SENP1: variants seen among roughly 807,000 people sequenced by gnomAD.
SENP1 encodes the protein SUMO specific peptidase 1, also known as sentrin-specific protease 1.
SENP1 carries 21 observed loss-of-function variants against 93.0 expected under a neutral mutation model. The observed-to-expected ratio is 0.23, with a 90% confidence interval of 0.16 to 0.33. The LOEUF (loss-of-function observed/expected upper bound fraction) is 0.33, where lower values mean the gene tolerates loss of function less well. SENP1 is among the 10% of genes least tolerant of loss of function. The probability of loss-of-function intolerance (pLI) is 1.00; values close to 1 mark genes in which losing one functional copy is unlikely to be tolerated. For missense variants in SENP1, 591 were observed against 758.7 expected (o/e 0.78, Z 2.60); for synonymous variants, 256 against 259.6 (o/e 0.99, Z 0.13).
chr12:48,045,133 G>GT lies in SENP1; in HGVS notation c.*188_*189insA, dbSNP rs1941266992. The GT allele has an allele frequency of 1.1e-4, 65 of 572,278 alleles. 2 individuals carry two copies. The South Asian group carries it at 1.4e-3, about 12-fold the overall frequency. The allele number at this position is 572,278 out of a possible 1,614,324, so 35.5% of individuals were successfully genotyped here. A position where few individuals can be genotyped will look rare whatever the true frequency, so the allele number is the denominator to read the frequency against. ...CCTTTCACAGCACCAAAGTTTCTTT[G>GT]CAAAAATAGTATCTGAGATACAAAA... On this transcript the variant is annotated 3_prime_UTR_variant, in exon 18 of 18. Coordinates refer to ENST00000549518, the MANE Select transcript of SENP1 (RefSeq NM_001267594.2).
chr12:48,081,874 G>C (rs1214672337), intron 6 of SENP1, among the ~76,000 whole-genome samples: 1 of 149,164 alleles, frequency 6.7e-6, no homozygotes, highest in Non-Finnish European at 1.5e-5. Flanking sequence ...AAATGTTTTA[G>C]ATTCAATACA....
At chr12:48,051,015 C>T (rs1418717714) in intron 13 of SENP1, among the ~76,000 whole-genome samples, 1 of 150,080 alleles carries the variant, frequency 6.7e-6, no homozygotes, top group Non-Finnish European at 1.5e-5. Flanking sequence ...AAGCACATGA[C>T]AGCCATGGAA....
chr12:48,069,739 C>A (rs1290676920), intron 9 of SENP1, among the ~76,000 whole-genome samples: 1 of 152,042 alleles, frequency 6.6e-6, no homozygotes, highest in Non-Finnish European at 1.5e-5. Context: ...CTACATGAAG[C>A]CTTTTCCAAC....
intron 13 of SENP1, among the ~76,000 whole-genome samples, chr12:48,057,805 C>G (rs1299163310): frequency 6.6e-6 from 1 of 150,792 alleles, no homozygotes; most frequent in Non-Finnish European, 1.5e-5. Flanking sequence ...CCATGTTGGC[C>G]AGGCTGGTCT....
intron 5 of SENP1, among the ~76,000 whole-genome samples, chr12:48,086,975 G>T (rs1209878924): frequency 1.3e-5 from 2 of 151,588 alleles, no homozygotes; most frequent in African/African-American, 4.9e-5. Context: ...GGAGGCGGAG[G>T]TTGCAGTGAG....
chr12:48,097,946 G>A lies in SENP1; in HGVS notation c.135+48C>T, dbSNP rs112673323. The A allele has an allele frequency of 3.7e-5, 58 of 1,561,850 alleles. No individual in the cohort carries two copies. In the African/African-American group the frequency reaches 6.0e-4, roughly 16 times the overall value. ...TAAACTACATAAGATGAAAACTTATGATGAGCCCAAATAATTAATTAATTA... is the reference window on the plus strand; with the variant it reads ...TAAACTACATAAGATGAAAACTTATAATGAGCCCAAATAATTAATTAATTA... On this transcript the variant is annotated intron_variant, in intron 3 of 17. Transcript: ENST00000549518.
At position 48,045,393 on chromosome 12, in the gene SENP1, A is replaced by G; in HGVS notation, c.1873-9T>C. 6.2e-7 allele frequency: 1 copy of G among 1,612,754 alleles called. No individual in the cohort carries two copies. Among genetic ancestry groups the G allele is most frequent in the Non-Finnish European group, 8.5e-7 (1 of 1,178,860 alleles). The stretch of plus-strand genomic sequence containing the variant: ...AAGTATGGCATGTGTTGCTGTAGGG[A>G]CACAGAGACACCCTTAATTTTCAAT... On this transcript the variant is annotated splice_polypyrimidine_tract_variant and intron_variant, in intron 17 of 17. Transcript: ENST00000549518.
chr12:48,085,577 G>C (rs1592430668), intron 5 of SENP1, among the ~76,000 whole-genome samples: 2 of 152,034 alleles, frequency 1.3e-5, no homozygotes, highest in East Asian at 1.9e-4. Flanking sequence ...GGCGCTTCTA[G>C]GTTGCTGGGG....
intron 14 of SENP1, among the ~76,000 whole-genome samples, chr12:48,048,283 T>A (rs1941526311): frequency 6.6e-6 from 1 of 152,190 alleles, no homozygotes; most frequent in Non-Finnish European, 1.5e-5. Flanking sequence ...ATGGCACTCA[T>A]CAACAGGTGG....
intron 12 of SENP1, among the ~76,000 whole-genome samples, chr12:48,064,118 C>T (rs970514258): frequency 2.6e-5 from 4 of 152,214 alleles, no homozygotes; most frequent in Admixed American, 6.5e-5. Flanking sequence ...AACAACCTTC[C>T]GCTATCAAAT....
intron 6 of SENP1, among the ~76,000 whole-genome samples, chr12:48,080,905 G>A (rs1944449716): frequency 6.6e-6 from 1 of 152,158 alleles, no homozygotes; most frequent in Admixed American, 6.5e-5. Flanking sequence ...ACAGGAGGAA[G>A]GAGAACTCCA....
chr12:48,084,939 A>C (rs547540664), intron 5 of SENP1: 2 of 539,660 alleles, frequency 3.7e-6, no homozygotes, highest in African/African-American at 1.9e-5. Context: ...ATCAGACAAG[A>C]TCTAAAGAAA....
At chr12:48,080,953 G>A (rs1309950275) in intron 6 of SENP1, among the ~76,000 whole-genome samples, 1 of 152,160 alleles carries the variant, frequency 6.6e-6, no homozygotes, top group African/African-American at 2.4e-5. Context: ...GTGGCCTGGA[G>A]GGCTGTTTGG....
intron 13 of SENP1, among the ~76,000 whole-genome samples, chr12:48,056,721 AAATATAT>A (rs1337570051): frequency 4.5e-5 from 4 of 89,618 alleles, no homozygotes; most frequent in Non-Finnish European, 7.5e-5. Context: ...TTACATATAT[AAATATAT>A]TATTTAATAT....
At chr12:48,082,207 C>A (rs1334375409) in intron 6 of SENP1, among the ~76,000 whole-genome samples, 1 of 152,032 alleles carries the variant, frequency 6.6e-6, no homozygotes, top group Non-Finnish European at 1.5e-5. Flanking sequence ...AACTTTAAAC[C>A]AAAAATATGC....
chr12:48,086,345 T>C (rs79223154), intron 5 of SENP1, among the ~76,000 whole-genome samples: 4,355 of 152,290 alleles, frequency 0.029, 86 homozygotes, highest in Non-Finnish European at 0.037. Context: ...TAGAAAAATA[T>C]TATTTCATTA....
chr12:48,048,956 A>G lies in SENP1; in HGVS notation c.1584T>C (p.Ile528=). 6.2e-7 allele frequency: 1 copy of G among 1,613,662 alleles called. No individual in the cohort carries two copies. The highest frequency in any genetic ancestry group is 8.5e-7 in the Non-Finnish European group (1 of 1,179,676). The part of the protein sequence containing the change: ...VFSVDILLVP[I]HLGVHWCLAV... The stretch of plus-strand genomic sequence containing the variant: ...CTAGACACCAGTGTACTCCCAGGTG[A>G]ATGGGCACCAAAAGAATGTCAACAG... The change falls in exon 14 of 18, where the codon ATT becomes ATC. Residue 528 remains isoleucine (I), a synonymous_variant. Transcript: ENST00000549518.
chr12:48,064,398 G>A (rs1048977956), intron 12 of SENP1, among the ~76,000 whole-genome samples: 1 of 152,034 alleles, frequency 6.6e-6, no homozygotes, highest in Non-Finnish European at 1.5e-5. Flanking sequence ...AGACCTCCAT[G>A]TATTTTCCAA....
chr12:48,074,598 A>G lies in SENP1; in HGVS notation c.666T>C (p.Cys222=), dbSNP rs1033449309. The change falls in exon 8 of 18, where the codon TGT becomes TGC. Residue 222 remains cysteine (C), a synonymous_variant. Transcript: ENST00000549518. The stretch of plus-strand genomic sequence containing the variant: ...TCAAAGTATTTTTACTGGAACTAAG[A>G]CATCGAGACCTAGCAAGAGAAGAAT... ...TTHFPLHLSR[C]LSSSKNTLKD... is the part of the protein sequence containing the mutation. 2 of 1,612,018 alleles carry G rather than the reference A, an allele frequency of 1.2e-6. No homozygotes were observed. The highest frequency in any genetic ancestry group is 2.7e-5 in the African/African-American group (2 of 74,852).
Sources: gnomAD v4.1 joint callset for allele counts (sites outside exome capture counted in the v4.1 genomes callset) on GRCh38, gnomAD v4.1.1 for gene constraint, MANE v1.5 for transcripts, NCBI Gene and HGNC (gene_info 2026-07-23, HGNC 2026-07-21) for gene names.